Variants in PHF3 observed in about 807,000 individuals in gnomAD.
PHF3 encodes the protein PHD finger protein 3.
A neutral mutation model predicts 178.4 loss-of-function variants in PHF3; 41 were observed. That is an observed-to-expected ratio of 0.23 (90% CI 0.18 to 0.30). The LOEUF (loss-of-function observed/expected upper bound fraction) is 0.30. PHF3 is among the 10% of genes least tolerant of loss of function. The pLI is 1.00. For synonymous variants in PHF3, 842 were observed against 800.5 expected (o/e 1.05, Z -0.88); for missense variants, 2,346 against 2,398.1 (o/e 0.98, Z 0.45).
intron 3 of PHF3, among the ~76,000 whole-genome samples, chr6:63,682,002 G>A (rs1489958682): frequency 1.3e-5 from 2 of 152,098 alleles, no homozygotes; most frequent in Non-Finnish European, 2.9e-5. Context: ...ATGGAAGCCT[G>A]TAAGGGAAAC....
rs574493951 is a variant in PHF3, at chr6:63,684,833, A to C, written c.1111A>C (p.Thr371Pro). ...TTTGCCTAGTTGTGTAGATGAAGTG[A>C]CTGAATGTAATTTGGAATTGAAGGA... is the stretch of plus-strand genomic sequence containing the variant. ...VGLPSCVDEVTECNLELKDTM... is the reference protein window; with the variant it reads ...VGLPSCVDEVPECNLELKDTM... Residue 371 changes from threonine (T) to proline (P), a missense_variant, in exon 4 of 16, where the codon ACT becomes CCT. Coordinates refer to ENST00000262043, the MANE Select transcript of PHF3 (RefSeq NM_001370348.2). 2 of 1,613,386 alleles carry C rather than the reference A, an allele frequency of 1.2e-6. No homozygotes were observed. Among genetic ancestry groups the C allele is most frequent in the South Asian group, 2.2e-5 (2 of 91,046 alleles).
chr6:63,674,983 T>G (rs185662606), intron 2 of PHF3, among the ~76,000 whole-genome samples: 1 of 152,154 alleles, frequency 6.6e-6, no homozygotes, highest in African/African-American at 2.4e-5. Context: ...CTCTGAATGG[T>G]TTTTATTCTC....
intron 13 of PHF3, among the ~76,000 whole-genome samples, chr6:63,708,800 G>T (rs535769621): frequency 1.8e-4 from 27 of 152,164 alleles, no homozygotes; most frequent in Non-Finnish European, 3.4e-4. Flanking sequence ...ACCAAAAGGG[G>T]AGGTTACAAT....
intron 2 of PHF3, among the ~76,000 whole-genome samples, chr6:63,662,515 A>G (rs1024711280): frequency 6.6e-6 from 1 of 151,990 alleles, no homozygotes; most frequent in Non-Finnish European, 1.5e-5. Flanking sequence ...ATTCTTTTGG[A>G]ACTCTGTAGA....
chr6:63,694,267 T>G (rs1447490590), intron 5 of PHF3, among the ~76,000 whole-genome samples: 1 of 152,232 alleles, frequency 6.6e-6, no homozygotes, highest in African/African-American at 2.4e-5. Flanking sequence ...GAACTTAATT[T>G]CATTTGTTTT....
chr6:63,639,529 G>C (rs1243842283), intron 1 of PHF3, among the ~76,000 whole-genome samples: 1 of 152,030 alleles, frequency 6.6e-6, no homozygotes, highest in Non-Finnish European at 1.5e-5. Flanking sequence ...CATTTTTTAA[G>C]ATTTCATTAA....
At chr6:63,684,035 A>G (rs1766555825) in intron 3 of PHF3, 94 bp from the exon 4 acceptor site, 5 of 977,160 alleles carry the variant, frequency 5.1e-6, no homozygotes, top group Non-Finnish European at 6.1e-6. Flanking sequence ...ATTATAGCTC[A>G]GAATAAAGAA....
rs931148969 is a variant in PHF3 at position 63,723,080 on chromosome 6, G to T, written c.*9372G>T. ...AGATGCTAAATAATTATTAAATAAAGAAATACGTTTGTAGGGTTGTGGGTT... is the reference window on the plus strand; with the variant it reads ...AGATGCTAAATAATTATTAAATAAATAAATACGTTTGTAGGGTTGTGGGTT... On this transcript the variant is annotated 3_prime_UTR_variant, in exon 16 of 16. Transcript: ENST00000262043. Among the ~76,000 whole-genome samples, 4 of 152,054 alleles carry T rather than the reference G, an allele frequency of 2.6e-5. No individual in the cohort carries two copies. Among genetic ancestry groups the T allele is most frequent in the African/African-American group, 4.8e-5 (2 of 41,364 alleles).
At position 63,685,053 on chromosome 6, in the gene PHF3, C is replaced by A; in HGVS notation, c.1331C>A (p.Pro444His). 1 of 1,613,966 alleles carries A rather than the reference C, an allele frequency of 6.2e-7. No homozygotes were observed. Among genetic ancestry groups the A allele is most frequent in the Non-Finnish European group, 8.5e-7 (1 of 1,179,972 alleles). ...NILENAICDVPDQNSKQLNAI... is the reference protein window; with the variant it reads ...NILENAICDVHDQNSKQLNAI... Reference sequence around the variant, plus strand: ...TTGGAAAATGCTATTTGTGATGTGCCTGACCAAAATTCAAAACAGTTGAAT... The same window carrying A: ...TTGGAAAATGCTATTTGTGATGTGCATGACCAAAATTCAAAACAGTTGAAT... The change falls in exon 4 of 16, where the codon CCT becomes CAT. Residue 444 changes from proline to histidine, a missense_variant. Transcript: ENST00000262043.
chr6:63,647,459 T>TA (rs1764839508), intron 2 of PHF3, among the ~76,000 whole-genome samples: 1 of 152,218 alleles, frequency 6.6e-6, no homozygotes, highest in Non-Finnish European at 1.5e-5. Flanking sequence ...GAAAAAAAGT[T>TA]AAAAAATATT....
At chr6:63,666,595 A>G (rs1765691490) in intron 2 of PHF3, among the ~76,000 whole-genome samples, 2 of 152,096 alleles carry the variant, frequency 1.3e-5, no homozygotes, top group African/African-American at 2.4e-5. Flanking sequence ...ATATTTGCAT[A>G]TAACCTGTGC....
chr6:63,713,230 C>G lies in PHF3; in HGVS notation c.5642C>G (p.Pro1881Arg). ...TCACAAGCATCAAGGTATATAGGCC[C>G]GCAGAATTTTTACCAGGTTAAAGAC... ...PLSQASRYIGPQNFYQVKDIR... is the reference protein window; with the variant it reads ...PLSQASRYIGRQNFYQVKDIR... Residue 1881 changes from proline (P) to arginine (R), a missense_variant, in exon 16 of 16, where the codon CCG becomes CGG. By Grantham distance (103) the Pro-to-Arg change is moderately radical. Transcript: ENST00000262043. 1 of 1,613,976 alleles carries G rather than the reference C, an allele frequency of 6.2e-7. No individual in the cohort carries two copies. Among genetic ancestry groups the G allele is most frequent in the Non-Finnish European group, 8.5e-7 (1 of 1,179,982 alleles).
rs1299205834 is a variant in PHF3 at position 63,714,041 on chromosome 6, A to G, written c.*333A>G. On this transcript the variant is annotated 3_prime_UTR_variant, in exon 16 of 16. Transcript: ENST00000262043. The stretch of plus-strand genomic sequence containing the variant: ...TGGTAAATATGGTTAACTATGGAAT[A>G]TATTTACTTCCTCTAGTGAATGTCC... 1 of 185,228 alleles carries G rather than the reference A, an allele frequency of 5.4e-6. No homozygotes were observed. Among genetic ancestry groups the G allele is most frequent in the East Asian group, 1.3e-4 (1 of 7,474 alleles). The allele number at this position is 185,228 out of a possible 1,614,324, so 11.5% of individuals were successfully genotyped here.
rs1768182582 is a variant in PHF3, at chr6:63,716,134, A to AC, written c.*2426_*2427insC. On this transcript the variant is annotated 3_prime_UTR_variant, in exon 16 of 16. Coordinates refer to ENST00000262043, the MANE Select transcript of PHF3 (RefSeq NM_001370348.2). The stretch of plus-strand genomic sequence containing the variant: ...AAGGCATCCCTGGTTTTGAGCACTT[A>AC]GTATAAACATTGGTCAACTCAAAGG... Among the ~76,000 whole-genome samples, 1 of 152,146 alleles carries AC rather than the reference A, an allele frequency of 6.6e-6. No homozygotes were observed. The highest frequency in any genetic ancestry group is 1.9e-4 in the East Asian group (1 of 5,188).
At chr6:63,681,011 T>TG (rs1471913782) in intron 3 of PHF3, among the ~76,000 whole-genome samples, 1 of 152,116 alleles carries the variant, frequency 6.6e-6, no homozygotes, top group African/African-American at 2.4e-5. Context: ...AAAGGAGCTG[T>TG]GAGATACACT....
chr6:63,669,975 A>T (rs77370069), intron 2 of PHF3, among the ~76,000 whole-genome samples: 2,536 of 151,268 alleles, frequency 0.017, 52 homozygotes, highest in South Asian at 0.089. Flanking sequence ...CAGAGTTGAC[A>T]TTTTTTTTTC....
In PHF3 at chr6:63,712,901, T is replaced by C. The variant is rs1415775473; in HGVS notation, c.5313T>C (p.Cys1771=). 8 of 1,613,924 alleles carry C rather than the reference T, an allele frequency of 5.0e-6. No homozygotes were observed. The highest frequency in any genetic ancestry group is 5.9e-6 in the Non-Finnish European group (7 of 1,179,972). ...CTCATTTTGAAGTTGGAAACACATG[T>C]CCATCAGAATTTCCTTCTAAAAGCA... The part of the protein sequence containing the change: ...ATSHFEVGNT[C]PSEFPSKSIT... The change falls in exon 16 of 16, where the codon TGT becomes TGC. Residue 1771 remains cysteine, a synonymous_variant. Coordinates refer to ENST00000262043, the MANE Select transcript of PHF3 (RefSeq NM_001370348.2).
chr6:63,637,713 G>C (rs2149531746), intron 1 of PHF3, among the ~76,000 whole-genome samples: 1 of 152,120 alleles, frequency 6.6e-6, no homozygotes, highest in South Asian at 2.1e-4. Context: ...GCAGAGTTTA[G>C]TGGCAGACTT....
chr6:63,689,364 T>G (rs1333582717), intron 4 of PHF3, among the ~76,000 whole-genome samples: 1 of 152,176 alleles, frequency 6.6e-6, no homozygotes, highest in African/African-American at 2.4e-5. Flanking sequence ...AGAAGACTAG[T>G]ATATCAGATA....
Sources: allele counts gnomAD v4.1 joint callset (sites outside exome capture counted in the v4.1 genomes callset), GRCh38; gene constraint gnomAD v4.1.1; transcripts MANE v1.5; gene names NCBI Gene and HGNC (gene_info 2026-07-23, HGNC 2026-07-21).